The following TENM2 variants were observed in gnomAD, a reference collection of about 807,000 sequenced individuals.
TENM2 encodes the protein teneurin-2.
Under a neutral mutation model 245.2 loss-of-function variants are expected in TENM2, and 52 were observed. The observed-to-expected ratio is 0.21, with a 90% confidence interval of 0.17 to 0.27. TENM2 has a LOEUF of 0.27. Among genes scored for constraint, TENM2 ranks in the 10% least tolerant of loss-of-function variants. The pLI, the probability that TENM2 is intolerant of heterozygous loss-of-function variation, is 1.00. For missense variants in TENM2, 3,046 were observed against 3,666.8 expected (o/e 0.83, Z 4.37); for synonymous variants, 1,363 against 1,438.9 (o/e 0.95, Z 1.19).
intron 2 of TENM2, among the ~76,000 whole-genome samples, chr5:167,782,081 AG>A (rs1428224445): frequency 2.0e-5 from 3 of 152,098 alleles, no homozygotes; most frequent in Non-Finnish European, 4.4e-5. Flanking sequence ...TGGGAGGATA[AG>A]GCGGGTGAAT....
intron 2 of TENM2, among the ~76,000 whole-genome samples, chr5:167,648,686 G>C (rs1484379935): frequency 1.3e-5 from 2 of 152,214 alleles, no homozygotes; most frequent in Non-Finnish European, 1.5e-5. Flanking sequence ...GAGGGCGGAG[G>C]GTGGAAGAGG....
intron 1 of TENM2, among the ~76,000 whole-genome samples, chr5:167,372,136 A>G (rs558769023): frequency 6.6e-6 from 1 of 152,270 alleles, no homozygotes; most frequent in East Asian, 1.9e-4. Context: ...CTTTCTATAT[A>G]CCAATGTAAA....
rs544699415 is a variant in TENM2 at position 167,663,141 on chromosome 5, GGAGAGAGAGA to G, written c.503-212808_503-212799del. Among the ~76,000 whole-genome samples the G allele has an allele frequency of 8.9e-3, 971 of 108,594 alleles. 4 individuals are homozygous for G. The highest frequency in any genetic ancestry group is 0.015 in the Middle Eastern group (3 of 194). 71.2% of individuals were successfully genotyped at this position (108,594 alleles called of 152,430 possible). On this transcript the variant is annotated intron_variant, in intron 2 of 28. Transcript: ENST00000518659. ...AGAGAGACAGAGAGAATGGGGATGG[GGAGAGAGAGA>G]GAGAGAGAGAGAGAGAGAGAGAGAG...
At chr5:168,004,505 A>ATGCGCG (rs1554170127) in intron 5 of TENM2, among the ~76,000 whole-genome samples, 3 of 80,486 alleles carry the variant, frequency 3.7e-5, no homozygotes, top group African/African-American at 2.1e-4. Flanking sequence ...GGATGCACGC[A>ATGCGCG]TGCGCGCGCG....
At chr5:168,211,712 T>C (rs1232272063) in intron 19 of TENM2, 22 bp from the exon 22 acceptor site, 2 of 1,279,516 alleles carry the variant, frequency 1.6e-6, no homozygotes, top group East Asian at 2.6e-5. Flanking sequence ...TCTTTTTTCC[T>C]TTCTGTTTTC....
At chr5:167,488,217 A>C (rs571131685) in intron 2 of TENM2, among the ~76,000 whole-genome samples, 1 of 152,310 alleles carries the variant, frequency 6.6e-6, no homozygotes, top group Non-Finnish European at 1.5e-5. Flanking sequence ...TTTTTTAAAA[A>C]ATCGATTCTT....
At chr5:167,528,802 T>C (rs1479345086) in intron 2 of TENM2, among the ~76,000 whole-genome samples, 2 of 152,156 alleles carry the variant, frequency 1.3e-5, no homozygotes, top group East Asian at 3.9e-4. Context: ...TGAATTCCCA[T>C]AACCTCTTCA....
In TENM2 at chr5:167,959,451, T is replaced by C. The variant is rs1780829821; in HGVS notation, c.947+6629T>C. ...TTCATGCTTTATTTCATTAAGTTGA[T>C]CTTCAATCCCTGAAATCCTTTCTTC... On this transcript the variant is annotated intron_variant, in intron 4 of 28. Transcript: ENST00000518659. Among the ~76,000 whole-genome samples, 3 of 152,196 alleles carry C rather than the reference T, an allele frequency of 2.0e-5. No homozygotes were observed. The South Asian group carries it at 6.2e-4, about 32-fold the overall frequency.
At chr5:167,516,946 TAGAAAAG>T (rs1252517567) in intron 2 of TENM2, among the ~76,000 whole-genome samples, 3 of 152,220 alleles carry the variant, frequency 2.0e-5, no homozygotes, top group African/African-American at 7.2e-5. Flanking sequence ...AAATTTTCTT[TAGAAAAG>T]TGCATGGAAA....
At chr5:167,571,225 T>C (rs923525540) in intron 2 of TENM2, among the ~76,000 whole-genome samples, 12 of 152,310 alleles carry the variant, frequency 7.9e-5, no homozygotes, top group Admixed American at 2.6e-4. Flanking sequence ...TTATTCTTAA[T>C]GACAACCCAT....
chr5:168,237,120 A>C (rs1432245891), intron 25 of TENM2, among the ~76,000 whole-genome samples: 1 of 136,998 alleles, frequency 7.3e-6, no homozygotes, highest in Non-Finnish European at 1.5e-5. Context: ...GGTTCAAGCC[A>C]TTCTCCTGCC....
At chr5:167,888,455 T>A (rs1468901415) in intron 3 of TENM2, among the ~76,000 whole-genome samples, 1 of 152,148 alleles carries the variant, frequency 6.6e-6, no homozygotes, top group South Asian at 2.1e-4. Flanking sequence ...CAGAGGGTAT[T>A]TGCAATATCC....
chr5:167,735,769 G>A (rs1760750928), intron 2 of TENM2, among the ~76,000 whole-genome samples: 2 of 151,976 alleles, frequency 1.3e-5, no homozygotes, highest in African/African-American at 2.4e-5. Context: ...TCATACCACT[G>A]CACTCCAGCC....
chr5:167,097,882 T>C, the TENM2 span, among the ~76,000 whole-genome samples: 1 of 152,180 alleles, frequency 6.6e-6, no homozygotes, highest in African/African-American at 2.4e-5. Flanking sequence ...TACTTCTCTT[T>C]CCTTGTTTTT....
At chr5:167,010,356 C>T in the TENM2 span, among the ~76,000 whole-genome samples, 5 of 152,180 alleles carry the variant, frequency 3.3e-5, no homozygotes, top group South Asian at 1.0e-3. Context: ...GCACTCCATC[C>T]TGGGCAACAA....
chr5:168,167,194 C>T lies in TENM2; in HGVS notation c.2569+4437C>T, dbSNP rs1439668126. On this transcript the variant is annotated intron_variant, in intron 13 of 28. Transcript: ENST00000518659. ...AGTCTGAGAATACACACAACATGTGCACCAAGTGACAGGCGGATAATATTT... is the reference window on the plus strand; with the variant it reads ...AGTCTGAGAATACACACAACATGTGTACCAAGTGACAGGCGGATAATATTT... Among the ~76,000 whole-genome samples, 4 of 152,250 alleles carry T rather than the reference C, an allele frequency of 2.6e-5. No individual in the cohort carries two copies. The East Asian group carries it at 7.7e-4, about 29-fold the overall frequency.
chr5:167,800,064 A>G (rs1402412690), intron 2 of TENM2, among the ~76,000 whole-genome samples: 1 of 152,220 alleles, frequency 6.6e-6, no homozygotes, highest in African/African-American at 2.4e-5. Context: ...ACATGAGGAA[A>G]GGTATATGAT....
At chr5:167,071,878 G>GCCCCCCC in the TENM2 span, among the ~76,000 whole-genome samples, 6 of 124,102 alleles carry the variant, frequency 4.8e-5, no homozygotes, top group African/African-American at 1.2e-4. Flanking sequence ...TTGACAAATC[G>GCCCCCCC]CCCCCCCCCG....
At chr5:167,950,541 C>A (rs148876351) in intron 3 of TENM2, among the ~76,000 whole-genome samples, 1 of 152,014 alleles carries the variant, frequency 6.6e-6, no homozygotes, top group South Asian at 2.1e-4. Flanking sequence ...TGCACTGACC[C>A]GCCCCATCTT....
Sources: allele counts gnomAD v4.1 joint callset (sites outside exome capture counted in the v4.1 genomes callset), GRCh38; gene constraint gnomAD v4.1.1; transcripts MANE v1.5; gene names NCBI Gene and HGNC (gene_info 2026-07-23, HGNC 2026-07-21).